Variants in TIAM2 observed in about 807,000 individuals in gnomAD.
TIAM2 encodes the protein rho guanine nucleotide exchange factor TIAM2.
TIAM2 carries 80 observed loss-of-function variants against 152.9 expected under a neutral mutation model. That is an observed-to-expected ratio of 0.52 (90% CI 0.44 to 0.63). The LOEUF (loss-of-function observed/expected upper bound fraction) is 0.63. Among genes scored for constraint, TIAM2 ranks in the 30% least tolerant of loss-of-function variants. The probability of loss-of-function intolerance (pLI) is 0.00; values close to 1 mark genes in which losing one functional copy is unlikely to be tolerated. For missense variants in TIAM2, 1,965 were observed against 2,120.1 expected (o/e 0.93, Z 1.44); for synonymous variants, 804 against 838.0 (o/e 0.96, Z 0.70).
chr6:155,245,554 T>C, intron 18 of TIAM2, 69 bp from the exon 19 acceptor site: 1 of 1,326,384 alleles, frequency 7.5e-7, no homozygotes, highest in Non-Finnish European at 1.1e-6. Context: ...CATGGGGCCG[T>C]CAAATGCCAT....
chr6:155,256,306 CA>C, intron 26 of TIAM2, 177 bp from the exon 27 acceptor site: 1 of 909,694 alleles, frequency 1.1e-6, no homozygotes. Flanking sequence ...AAACCTAAGT[CA>C]AAAATGTCCA....
At chr6:155,172,639 G>GAA (rs1318992901) in intron 9 of TIAM2, among the ~76,000 whole-genome samples, 8 of 45,340 alleles carry the variant, frequency 1.8e-4, no homozygotes, top group East Asian at 1.5e-3. Context: ...AGGCTAGTTG[G>GAA]AAATATATAT....
Position 155,129,984 on chromosome 6 carries a change from G to C in TIAM2, c.761G>C (p.Trp254Ser). The change falls in exon 4 of 27, where the codon TGG becomes TCG. Residue 254 changes from tryptophan to serine, a missense_variant. Physicochemically the swap from Trp to Ser is radical, Grantham distance 177. Around this residue, in one of 3 missense-constraint regions of TIAM2, gnomAD observed 1,025 missense variants for 1,119.4 expected, o/e 0.92. Transcript: ENST00000682666. This position sits in a 1 kb window ranked among gnomAD's most constrained non-coding sequence, Gnocchi z 4.8. ...SSESSWYDSP[W>S]GNAGELSEAE... ...GAGTCATCCTGGTACGACTCCCCTT[G>C]GGGCAATGCTGGAGAGCTGAGCGAG... 6.2e-7 allele frequency: 1 copy of C among 1,614,112 alleles called. No homozygotes were observed. The highest frequency in any genetic ancestry group is 1.1e-5 in the South Asian group (1 of 91,088).
chr6:155,221,639 G>T (rs1320000478), intron 15 of TIAM2, among the ~76,000 whole-genome samples: 1 of 152,016 alleles, frequency 6.6e-6, no homozygotes, highest in Non-Finnish European at 1.5e-5. Flanking sequence ...TGGTCGTAAG[G>T]GACCTCTTGC....
At chr6:155,136,151 G>T (rs967584513) in intron 4 of TIAM2, among the ~76,000 whole-genome samples, 10 of 142,418 alleles carry the variant, frequency 7.0e-5, no homozygotes, top group African/African-American at 2.6e-4. Flanking sequence ...CCAAGATTGC[G>T]CCATTGCACT....
intron 14 of TIAM2, among the ~76,000 whole-genome samples, chr6:155,189,515 A>C (rs561777044): frequency 6.6e-6 from 1 of 152,270 alleles, no homozygotes; most frequent in East Asian, 1.9e-4. Flanking sequence ...GTGGTGGAAA[A>C]AATTAAGATC....
At chr6:155,104,014 C>A (rs1245362057) in intron 2 of TIAM2, among the ~76,000 whole-genome samples, 1 of 142,612 alleles carries the variant, frequency 7.0e-6, no homozygotes. Context: ...ATTCATTCTT[C>A]TTCTGTATTT....
chr6:155,063,781 C>CA (rs56808026), intron 1 of TIAM2, among the ~76,000 whole-genome samples: 7,481 of 90,972 alleles, frequency 0.082, 577 homozygotes, highest in South Asian at 0.14. Flanking sequence ...GACTCTGTCT[C>CA]AAAAAAAAAA....
chr6:155,135,005 A>G (rs1045726701), intron 4 of TIAM2, among the ~76,000 whole-genome samples: 1 of 152,112 alleles, frequency 6.6e-6, no homozygotes, highest in African/African-American at 2.4e-5. Flanking sequence ...GAGCCCAGCC[A>G]GGAGTTTTTG....
Position 155,130,297 on chromosome 6 carries a change from C to G in TIAM2, c.1074C>G (p.Leu358=). ...GDPIQYSSFT[L]PCRKPKAFVE... ...CCATCCAGTACAGTTCCTTCACTCT[C>G]CCCTGTCGGAAGCCCAAAGCCTTTG... Residue 358 remains leucine, a synonymous_variant, in exon 4 of 27, where the codon CTC becomes CTG. Coordinates refer to ENST00000682666, the MANE Select transcript of TIAM2 (RefSeq NM_012454.4). 3 of 1,614,174 alleles carry G rather than the reference C, an allele frequency of 1.9e-6. No homozygotes were observed. The highest frequency in any genetic ancestry group is 2.5e-6 in the Non-Finnish European group (3 of 1,180,036).
intron 1 of TIAM2, among the ~76,000 whole-genome samples, chr6:155,052,122 T>C (rs1562301542): frequency 1.3e-5 from 2 of 152,074 alleles, no homozygotes; most frequent in Non-Finnish European, 2.9e-5. Flanking sequence ...ACCTGTGGTC[T>C]CTGTGGGAAG....
intron 14 of TIAM2, among the ~76,000 whole-genome samples, chr6:155,205,147 A>C (rs997029741): frequency 7.9e-6 from 1 of 126,270 alleles, no homozygotes; most frequent in Admixed American, 1.0e-4. Flanking sequence ...TCTGGGGGAT[A>C]CATTCAAACT....
At chr6:155,096,153 A>C (rs1008828304) in intron 2 of TIAM2, among the ~76,000 whole-genome samples, 2 of 152,182 alleles carry the variant, frequency 1.3e-5, no homozygotes, top group African/African-American at 4.8e-5. Context: ...GTTAAGGTGT[A>C]TTTAATTTGG....
At chr6:155,245,519 T>C in intron 18 of TIAM2, 104 bp from the exon 19 acceptor site, 2 of 936,406 alleles carry the variant, frequency 2.1e-6, no homozygotes, top group Admixed American at 1.9e-5. Flanking sequence ...TCCAAGGCAT[T>C]AGTGCTATGG....
At chr6:155,080,073 T>C (rs111245489) in intron 1 of TIAM2, among the ~76,000 whole-genome samples, 1,597 of 152,346 alleles carry the variant, frequency 0.01, 31 homozygotes, top group African/African-American at 0.037. Flanking sequence ...CATGTGTTCC[T>C]TTCAACAAAA....
intron 1 of TIAM2, among the ~76,000 whole-genome samples, chr6:155,062,237 G>A (rs1273646223): frequency 1.3e-5 from 2 of 152,056 alleles, no homozygotes; most frequent in African/African-American, 2.4e-5. Context: ...CCATTTGATC[G>A]CTGAAGATCA....
chr6:155,013,473 T>G (rs576685781), intron 1 of TIAM2, among the ~76,000 whole-genome samples: 39 of 152,314 alleles, frequency 2.6e-4, no homozygotes, highest in African/African-American at 8.7e-4. Context: ...TCTGGCGCTG[T>G]GCTAGGTACT....
chr6:155,250,646 C>G, intron 21 of TIAM2: 1 of 1,533,386 alleles, frequency 6.5e-7, no homozygotes, highest in South Asian at 1.2e-5. Context: ...CTTATGGAAA[C>G]TGAGTTGGTC....
At chr6:155,086,458 G>T (rs1331966468) in intron 1 of TIAM2, among the ~76,000 whole-genome samples, 1 of 152,152 alleles carries the variant, frequency 6.6e-6, no homozygotes, top group Non-Finnish European at 1.5e-5. Flanking sequence ...TGTAATCCCA[G>T]CACTTTGGAA....
Sources: gnomAD v4.1 joint callset for allele counts (sites outside exome capture counted in the v4.1 genomes callset) on GRCh38, gnomAD v4.1.1 for gene constraint, gnomAD v4.1.1 regional missense constraint, Gnocchi (gnomAD v3.1) non-coding constraint, MANE v1.5 for transcripts, NCBI Gene and HGNC (gene_info 2026-07-23, HGNC 2026-07-21) for gene names.